Variants in ELMO1 observed in about 807,000 individuals in gnomAD.
ELMO1 encodes engulfment and cell motility 1, also known as engulfment and cell motility protein 1.
Under a neutral mutation model 98.9 loss-of-function variants are expected in ELMO1, and 26 were observed. The observed-to-expected ratio is 0.26, with a 90% CI of 0.19 to 0.36. The LOEUF is 0.36. Among genes scored for constraint, ELMO1 ranks in the 10% least tolerant of loss-of-function variants. The pLI, the probability that ELMO1 is intolerant of heterozygous loss-of-function variation, is 1.00. For synonymous variants in ELMO1, 346 were observed against 346.0 expected (o/e 1.00, Z 0.00); for missense variants, 627 against 935.2 (o/e 0.67, Z 4.30).
At chr7:36,968,964 T>C (rs531263023) in intron 16 of ELMO1, among the ~76,000 whole-genome samples, 57 of 152,286 alleles carry the variant, frequency 3.7e-4, no homozygotes, top group Middle Eastern at 3.4e-3. Context: ...GTCATCATTT[T>C]TGTAATCTTT....
At chr7:37,066,346 T>C (rs2129219840) in intron 15 of ELMO1, among the ~76,000 whole-genome samples, 2 of 152,296 alleles carry the variant, frequency 1.3e-5, no homozygotes, top group Middle Eastern at 3.4e-3. Flanking sequence ...GAATCTAGTA[T>C]TTAGCCATTT....
At chr7:37,286,313 C>T (rs1179051236) in intron 4 of ELMO1, among the ~76,000 whole-genome samples, 2 of 152,336 alleles carry the variant, frequency 1.3e-5, no homozygotes, top group East Asian at 3.9e-4. Flanking sequence ...GTGGCATTAG[C>T]CACCCAGACA....
chr7:37,123,515 A>G (rs926188013), intron 14 of ELMO1, among the ~76,000 whole-genome samples: 1 of 152,180 alleles, frequency 6.6e-6, no homozygotes, highest in Admixed American at 6.5e-5. Flanking sequence ...ACACCTCTAC[A>G]TAAATAAACT....
intron 16 of ELMO1, among the ~76,000 whole-genome samples, chr7:36,915,475 T>A (rs1784623573): frequency 6.6e-6 from 1 of 152,210 alleles, no homozygotes; most frequent in Non-Finnish European, 1.5e-5. Flanking sequence ...TCTCCAAAGC[T>A]GTGATCACAT....
intron 16 of ELMO1, among the ~76,000 whole-genome samples, chr7:37,008,815 A>C (rs1254759306): frequency 6.6e-6 from 1 of 152,196 alleles, no homozygotes; most frequent in African/African-American, 2.4e-5. Context: ...GCTTGTGATA[A>C]GTATCACATG....
At chr7:37,017,343 G>A (rs1793999044) in intron 15 of ELMO1, among the ~76,000 whole-genome samples, 1 of 152,206 alleles carries the variant, frequency 6.6e-6, no homozygotes, top group Non-Finnish European at 1.5e-5. Context: ...CATTGAATGA[G>A]TGTATTTGAT....
chr7:37,345,139 G>A (rs2131271633), intron 1 of ELMO1, among the ~76,000 whole-genome samples: 1 of 152,326 alleles, frequency 6.6e-6, no homozygotes, highest in Admixed American at 6.5e-5. Context: ...GAAGCCTGCT[G>A]AGAAGCTAAT....
At chr7:37,293,791 G>C (rs1240060744) in intron 4 of ELMO1, among the ~76,000 whole-genome samples, 1 of 136,862 alleles carries the variant, frequency 7.3e-6, no homozygotes, top group East Asian at 2.1e-4. Flanking sequence ...AAAAGGAACT[G>C]TTAAATTTAA....
intron 14 of ELMO1, among the ~76,000 whole-genome samples, chr7:37,124,826 A>G (rs957857148): frequency 2.0e-5 from 3 of 152,216 alleles, no homozygotes; most frequent in Admixed American, 2.0e-4. Context: ...CCACATTGCC[A>G]AGTCAATCCT....
intron 14 of ELMO1, among the ~76,000 whole-genome samples, chr7:37,124,107 A>G (rs1042861643): frequency 4.6e-5 from 7 of 152,202 alleles, no homozygotes; most frequent in Non-Finnish European, 8.8e-5. Context: ...AAAACTCTCA[A>G]TAAATTAGGT....
At chr7:36,967,604 AGAAAG>A (rs1167391080) in intron 16 of ELMO1, among the ~76,000 whole-genome samples, 3 of 152,208 alleles carry the variant, frequency 2.0e-5, no homozygotes, top group African/African-American at 7.2e-5. Context: ...GAAAGGACAG[AGAAAG>A]GAAAGAGCAA....
intron 1 of ELMO1, among the ~76,000 whole-genome samples, chr7:37,357,199 T>C (rs1370689430): frequency 6.6e-6 from 1 of 152,228 alleles, no homozygotes; most frequent in Non-Finnish European, 1.5e-5. Flanking sequence ...TGGGTCTTCA[T>C]TTCTGGGGCT....
chr7:36,898,688 TC>T (rs2129057424), intron 16 of ELMO1, among the ~76,000 whole-genome samples: 1 of 152,336 alleles, frequency 6.6e-6, no homozygotes, highest in South Asian at 2.1e-4. Flanking sequence ...CTCCACGTGC[TC>T]CTTGTCTAAT....
At chr7:36,913,790 T>C (rs1784500356) in intron 16 of ELMO1, among the ~76,000 whole-genome samples, 1 of 152,230 alleles carries the variant, frequency 6.6e-6, no homozygotes, top group Admixed American at 6.5e-5. Context: ...GCTGATCTAC[T>C]GACTTGTGCT....
intron 16 of ELMO1, among the ~76,000 whole-genome samples, chr7:36,982,503 T>C (rs1277942251): frequency 1.3e-5 from 2 of 152,240 alleles, no homozygotes; most frequent in East Asian, 1.9e-4. Flanking sequence ...ACAGCATCAA[T>C]GTAAAATGAG....
chr7:36,883,384 T>C (rs1156814490), intron 18 of ELMO1, among the ~76,000 whole-genome samples: 1 of 152,214 alleles, frequency 6.6e-6, no homozygotes, highest in African/African-American at 2.4e-5. Flanking sequence ...CAGATTCTCA[T>C]GAAGCAAATA....
At chr7:36,939,733 C>T (rs191098400) in intron 16 of ELMO1, among the ~76,000 whole-genome samples, 5 of 152,278 alleles carry the variant, frequency 3.3e-5, no homozygotes, top group African/African-American at 1.2e-4. Context: ...AAAGCCAGGC[C>T]GACAAGGAGA....
Position 37,337,684 on chromosome 7 carries a change from T to C in ELMO1, c.78+4929A>G, listed in dbSNP as rs1962402. 8.7e-3 allele frequency among the ~76,000 whole-genome samples: 1,321 copies of C among 152,296 alleles called. 8 individuals are homozygous for C. Among genetic ancestry groups the C allele is most frequent in the Non-Finnish European group, 0.012 (850 of 68,010 alleles). ...GATAAAGGCATCAGGTAGTCTGTGA[T>C]GCCATGCAAATATGTAGGCCGAGAA... On this transcript the variant is annotated intron_variant, in intron 2 of 21. Coordinates refer to ENST00000310758, the MANE Select transcript of ELMO1 (RefSeq NM_014800.11).
At chr7:36,898,782 T>TA (rs1806248058) in intron 16 of ELMO1, among the ~76,000 whole-genome samples, 1 of 152,208 alleles carries the variant, frequency 6.6e-6, no homozygotes, top group Non-Finnish European at 1.5e-5. Flanking sequence ...TGTGAGCACC[T>TA]ACTCAGTGCA....
Sources: allele counts gnomAD v4.1 joint callset (sites outside exome capture counted in the v4.1 genomes callset), GRCh38; gene constraint gnomAD v4.1.1; transcripts MANE v1.5; gene names NCBI Gene and HGNC (gene_info 2026-07-23, HGNC 2026-07-21).